Variants in CFAP54 observed in about 807,000 individuals in gnomAD.
The protein encoded by CFAP54 is cilia- and flagella-associated protein 54.
Under a neutral mutation model 370.4 loss-of-function variants are expected in CFAP54, and 290 were observed. The observed-to-expected ratio is 0.78, with a 90% confidence interval of 0.71 to 0.86. The LOEUF is 0.86. Among genes scored for constraint, CFAP54 ranks in the 40% least tolerant of loss-of-function variants. CFAP54 has a pLI of 0.00. For synonymous variants in CFAP54, 1,206 were observed against 1,236.5 expected (o/e 0.98, Z 0.52); for missense variants, 3,399 against 3,528.7 (o/e 0.96, Z 0.93).
At chr12:96,795,052 G>T (rs561671782) in intron 63 of CFAP54, among the ~76,000 whole-genome samples, 1 of 152,276 alleles carries the variant, frequency 6.6e-6, no homozygotes, top group African/African-American at 2.4e-5. Flanking sequence ...GCTCTGGGCT[G>T]GTACAGAGGA....
intron 65 of CFAP54, among the ~76,000 whole-genome samples, chr12:96,821,953 G>T (rs1382746962): frequency 2.0e-5 from 3 of 152,072 alleles, no homozygotes; most frequent in Non-Finnish European, 4.4e-5. Context: ...TGTGTCTTTG[G>T]TTGACATGGG....
chr12:96,634,921 A>G (rs1956647792), intron 32 of CFAP54, among the ~76,000 whole-genome samples: 1 of 152,162 alleles, frequency 6.6e-6, no homozygotes, highest in East Asian at 1.9e-4. Context: ...TGAGTTCTGT[A>G]TTCTGTTCCA....
chr12:96,765,087 C>A lies in CFAP54; in HGVS notation c.8150C>A (p.Ala2717Asp). 1 of 1,458,352 alleles carries A rather than the reference C, an allele frequency of 6.9e-7. No homozygotes were observed. 90.3% of individuals were successfully genotyped at this position (1,458,352 alleles called of 1,614,324 possible). ...AIRAAAQVSE[A>D]VLAINLLIGK... ...ATGCATTAATTGTAGGTCAGTGAAG[C>A]TGTGCTGGCAATTAACTTACTTATT... is the stretch of plus-strand genomic sequence containing the variant. Residue 2717 changes from alanine (A) to aspartate (D), a missense_variant, in exon 60 of 68, where the codon GCT (alanine) becomes GAT (aspartate). Ala to Asp is a moderately radical substitution (Grantham distance 126). Around this residue, in one of 3 missense-constraint regions of CFAP54, gnomAD observed 2,796 missense variants for 2,869.7 expected, o/e 0.97. Transcript: ENST00000524981.
At chr12:96,596,465 CA>C in intron 25 of CFAP54, among the ~76,000 whole-genome samples, 1 of 152,152 alleles carries the variant, frequency 6.6e-6, no homozygotes, top group Middle Eastern at 3.4e-3. Context: ...CATTCCCATT[CA>C]GTGGAAAGAG....
chr12:96,571,649 A>G (rs1426546529), intron 19 of CFAP54, among the ~76,000 whole-genome samples: 1 of 152,152 alleles, frequency 6.6e-6, no homozygotes, highest in Non-Finnish European at 1.5e-5. Flanking sequence ...ATTATAGACA[A>G]CATTCAGGTC....
At chr12:96,524,041 T>G (rs1462766966) in intron 8 of CFAP54, among the ~76,000 whole-genome samples, 1 of 152,122 alleles carries the variant, frequency 6.6e-6, no homozygotes, top group Non-Finnish European at 1.5e-5. Context: ...AATGTCCTGT[T>G]TTCTGTGTAT....
chr12:96,727,277 G>A lies in CFAP54; in HGVS notation c.6965+6712G>A, dbSNP rs1413499066. 2.0e-5 allele frequency among the ~76,000 whole-genome samples: 3 copies of A among 152,154 alleles called. 1 individual carries two copies. The highest frequency in any genetic ancestry group is 4.1e-4 in the South Asian group (2 of 4,822). ...ATCTGTCTAATGTTGACAGTGAGAT[G>A]TTAAAGTCTCCCATTATTATTGTGT... is the stretch of plus-strand genomic sequence containing the variant. On this transcript the variant is annotated intron_variant, in intron 50 of 67. Transcript: ENST00000524981.
intron 29 of CFAP54, among the ~76,000 whole-genome samples, chr12:96,626,581 T>C (rs1300483970): frequency 6.6e-6 from 1 of 152,132 alleles, no homozygotes; most frequent in Non-Finnish European, 1.5e-5. Context: ...TCTTTCTCAA[T>C]GCTGAGATAT....
intron 3 of CFAP54, among the ~76,000 whole-genome samples, chr12:96,504,951 T>TTTTC (rs748953509): frequency 0.012 from 1,655 of 142,568 alleles, 16 homozygotes; most frequent in African/African-American, 0.032. Context: ...CTTTCTTTCT[T>TTTTC]TTTCTTTCTT....
In CFAP54 at chr12:96,621,606, G is replaced by A; in HGVS notation, c.3656G>A (p.Arg1219Lys). 6.8e-7 allele frequency: 1 copy of A among 1,478,494 alleles called. No homozygotes were observed. Among genetic ancestry groups the A allele is most frequent in the Non-Finnish European group, 9.0e-7 (1 of 1,107,600 alleles). 91.6% of individuals were successfully genotyped at this position (1,478,494 alleles called of 1,614,324 possible). The stretch of plus-strand genomic sequence containing the variant: ...TTAAATTAGATTCTTCGTTCATGGA[G>A]GGAATATGACCTGGCAGTAATGATT... The part of the protein sequence containing the change: ...FYITKILRSW[R>K]EYDLAVMIIN... The change falls in exon 27 of 68, where the codon AGG becomes AAG. Residue 1219 changes from arginine (R) to lysine (K), a missense_variant. Transcript: ENST00000524981.
intron 27 of CFAP54, among the ~76,000 whole-genome samples, chr12:96,623,042 A>G (rs931288352): frequency 1.3e-5 from 2 of 152,218 alleles, no homozygotes; most frequent in South Asian, 2.1e-4. Flanking sequence ...ACATCATGGT[A>G]GGACAGGCCT....
At chr12:96,730,149 A>G (rs372179871) in intron 50 of CFAP54, among the ~76,000 whole-genome samples, 1 of 152,190 alleles carries the variant, frequency 6.6e-6, no homozygotes, top group East Asian at 1.9e-4. Context: ...CACCCAAGAG[A>G]AATCAGTTCC....
intron 63 of CFAP54, among the ~76,000 whole-genome samples, chr12:96,802,212 G>A (rs76653950): frequency 0.026 from 4,026 of 152,102 alleles, 268 homozygotes; most frequent in East Asian, 0.14. Flanking sequence ...TACAGCCTGC[G>A]GTGAGATCGA....
rs1018572261 is a variant in CFAP54, at chr12:96,759,554, T to A, written c.8040+1966T>A. On this transcript the variant is annotated intron_variant, in intron 58 of 67. Transcript: ENST00000524981. ...AAACAGCCAAAACCAATTTAAAAAA[T>A]TCATGCAGACATATTCAGACCATGG... is the stretch of plus-strand genomic sequence containing the variant. 2.6e-5 allele frequency among the ~76,000 whole-genome samples: 4 copies of A among 152,304 alleles called. No homozygotes were observed. In the East Asian group the frequency reaches 7.7e-4, roughly 29 times the overall value.
chr12:96,595,052 G>C (rs1178183519), intron 25 of CFAP54, among the ~76,000 whole-genome samples: 1 of 152,116 alleles, frequency 6.6e-6, no homozygotes, highest in African/African-American at 2.4e-5. Flanking sequence ...CAAAGTCTTG[G>C]CCAGGGCTGT....
At chr12:96,616,048 A>G (rs1412947320) in intron 26 of CFAP54, among the ~76,000 whole-genome samples, 2 of 152,220 alleles carry the variant, frequency 1.3e-5, no homozygotes, top group Non-Finnish European at 1.5e-5. Flanking sequence ...ATGCTGCTAT[A>G]AAGACACATG....
chr12:96,558,072 G>A (rs1052853358), intron 17 of CFAP54, among the ~76,000 whole-genome samples: 1 of 152,100 alleles, frequency 6.6e-6, no homozygotes. Flanking sequence ...GCGTAGGAAG[G>A]AAAAGCATAT....
At chr12:96,670,023 C>T (rs1201372153) in intron 39 of CFAP54, among the ~76,000 whole-genome samples, 1 of 152,188 alleles carries the variant, frequency 6.6e-6, no homozygotes, top group Non-Finnish European at 1.5e-5. Context: ...AGTCTGTTTC[C>T]TGTGCATGCT....
Position 96,693,808 on chromosome 12 carries a change from G to A in CFAP54, c.6351G>A (p.Lys2117=), listed in dbSNP as rs530827851. The A allele has an allele frequency of 5.2e-6, 8 of 1,549,474 alleles. No homozygotes were observed. Among genetic ancestry groups the A allele is most frequent in the East Asian group, 2.3e-5 (1 of 44,300 alleles). Residue 2117 remains lysine, a splice_region_variant and synonymous_variant, in exon 45 of 68, where the codon AAG becomes AAA. Transcript: ENST00000524981. Reference sequence around the variant, plus strand: ...GAAATCTAGAAGCAAGAATCCTCAAGGTATGTTACAAGCTTTTAAGACATT... The same window carrying A: ...GAAATCTAGAAGCAAGAATCCTCAAAGTATGTTACAAGCTTTTAAGACATT... ...ITRNLEARIL[K]IEVLIDLRFF... is the part of the protein sequence containing the mutation.
Sources: allele counts gnomAD v4.1 joint callset (sites outside exome capture counted in the v4.1 genomes callset), GRCh38; gene constraint gnomAD v4.1.1; regional missense constraint gnomAD v4.1.1; transcripts MANE v1.5; gene names NCBI Gene and HGNC (gene_info 2026-07-23, HGNC 2026-07-21).